Variants in NUP50 observed in about 807,000 individuals in gnomAD.
NUP50 encodes nuclear pore complex protein Nup50.
A neutral mutation model predicts 36.8 loss-of-function variants in NUP50; 14 were observed. The observed-to-expected ratio is 0.38, with a 90% confidence interval of 0.25 to 0.59. The LOEUF is 0.59. NUP50 is among the 20% of genes least tolerant of loss of function. NUP50 has a pLI of 0.63. For synonymous variants in NUP50, 195 were observed against 210.8 expected, an observed-to-expected ratio of 0.93 and a Z score of 0.65; for missense variants, 455 against 564.6, an observed-to-expected ratio of 0.81 and a Z score of 1.97.
chr22:45,169,051 A>C (rs568911278), intron 2 of NUP50, among the ~76,000 whole-genome samples: 1 of 151,854 alleles, frequency 6.6e-6, no homozygotes, highest in Non-Finnish European at 1.5e-5. Context: ...ACAGGTGTAC[A>C]CCACCACACC....
At chr22:45,176,772 C>T (rs922712313) in intron 4 of NUP50, among the ~76,000 whole-genome samples, 1 of 152,122 alleles carries the variant, frequency 6.6e-6, no homozygotes, top group African/African-American at 2.4e-5. Context: ...AAGTTGGAGT[C>T]TTGCTCTGTC....
chr22:45,185,328 T>C lies in NUP50; in HGVS notation c.*673T>C, dbSNP rs1239359223. The C allele has an allele frequency of 6.5e-6, 1 of 153,114 alleles. No individual in the cohort carries two copies. The highest frequency in any genetic ancestry group is 1.5e-5 in the Non-Finnish European group (1 of 68,460). 9.5% of individuals were successfully genotyped at this position (153,114 alleles called of 1,614,324 possible). On this transcript the variant is annotated 3_prime_UTR_variant, in exon 8 of 8. Coordinates refer to ENST00000347635, the MANE Select transcript of NUP50 (RefSeq NM_007172.4). The stretch of plus-strand genomic sequence containing the variant: ...GAAGGAGTTTTTTGGCTTCATAGTT[T>C]CTATTCATGAGGTAGTGTTACTTCT...
rs1025135332 is a variant in NUP50 at position 45,185,254 on chromosome 22, G to A, written c.*599G>A. On this transcript the variant is annotated 3_prime_UTR_variant, in exon 8 of 8. Coordinates refer to ENST00000347635, the MANE Select transcript of NUP50 (RefSeq NM_007172.4). ...CCTGTAACCCTGTGGGCTGCTTCAC[G>A]AGAATTCAGGACCTGCATTTTCATT... 8 of 152,708 alleles carry A rather than the reference G, an allele frequency of 5.2e-5. No individual in the cohort carries two copies. The highest frequency in any genetic ancestry group is 1.3e-4 in the Admixed American group (2 of 15,374). 9.5% of individuals were successfully genotyped at this position (152,708 alleles called of 1,614,324 possible).
At chr22:45,171,880 T>C (rs2074200555) in intron 3 of NUP50, 197 bp downstream of exon 3, 2 of 509,662 alleles carry the variant, frequency 3.9e-6, no homozygotes, top group Non-Finnish European at 7.1e-6. Context: ...GTTGAGGAAA[T>C]AAGATAAATA....
intron 1 of NUP50, among the ~76,000 whole-genome samples, chr22:45,165,645 G>A (rs555854490): frequency 1.3e-5 from 2 of 152,316 alleles, no homozygotes; most frequent in South Asian, 4.1e-4. Flanking sequence ...AAATAAAATA[G>A]GGATTTGGTA....
chr22:45,179,197 G>A (rs2074327336), intron 5 of NUP50: 1 of 273,636 alleles, frequency 3.7e-6, no homozygotes, highest in Non-Finnish European at 6.8e-6. Context: ...GTGAATTAAA[G>A]ACGTTTTTTG....
intron 1 of NUP50, chr22:45,166,488 T>C (rs2147662318): frequency 6.6e-6 from 1 of 152,048 alleles, no homozygotes; most frequent in South Asian, 2.1e-4. Context: ...GGTTTCACCA[T>C]GTTGGCCAGG....
At chr22:45,179,246 G>A in intron 5 of NUP50, 1 of 216,856 alleles carries the variant, frequency 4.6e-6, no homozygotes, top group South Asian at 9.4e-5. Flanking sequence ...AGTTCATCAT[G>A]AATGTCCCCT....
chr22:45,170,278 T>A (rs1031167766), intron 2 of NUP50, among the ~76,000 whole-genome samples: 2 of 152,048 alleles, frequency 1.3e-5, no homozygotes, highest in African/African-American at 2.4e-5. Context: ...AGCTGTTTTC[T>A]CTTTATCTCT....
intron 1 of NUP50, among the ~76,000 whole-genome samples, chr22:45,167,847 C>T (rs893174812): frequency 6.6e-6 from 1 of 152,184 alleles, no homozygotes; most frequent in African/African-American, 2.4e-5. Flanking sequence ...TACAGTACTT[C>T]AGATTCCAGA....
At chr22:45,170,350 G>A (rs1370677702) in intron 2 of NUP50, among the ~76,000 whole-genome samples, 1 of 151,950 alleles carries the variant, frequency 6.6e-6, no homozygotes, top group Non-Finnish European at 1.5e-5. Flanking sequence ...CACCCGCAAA[G>A]CCCAGTAGGG....
chr22:45,178,943 T>C, intron 5 of NUP50, 43 bp downstream of exon 5: 1 of 1,543,094 alleles, frequency 6.5e-7, no homozygotes, highest in Non-Finnish European at 8.7e-7. Context: ...TGCATAAGAT[T>C]CTTGTTTCTT....
intron 2 of NUP50, among the ~76,000 whole-genome samples, chr22:45,169,884 G>A (rs1467487251): frequency 2.0e-5 from 3 of 152,190 alleles, no homozygotes; most frequent in Non-Finnish European, 2.9e-5. Flanking sequence ...TCATCCAGAG[G>A]CTTGAACCCC....
chr22:45,178,446 G>A lies in NUP50; in HGVS notation c.549G>A (p.Leu183=). The change falls in exon 5 of 8, where the codon CTG becomes CTA. Residue 183 remains leucine, a synonymous_variant. Coordinates refer to ENST00000347635, the MANE Select transcript of NUP50 (RefSeq NM_007172.4). ...TGAATACAAACCCCCTCTGTGATCTGACACCTATCTTTAAAGACTATGAGA... is the reference window on the plus strand; with the variant it reads ...TGAATACAAACCCCCTCTGTGATCTAACACCTATCTTTAAAGACTATGAGA... The part of the protein sequence containing the change: ...KHVNTNPLCD[L]TPIFKDYEKY... 1 of 1,613,664 alleles carries A rather than the reference G, an allele frequency of 6.2e-7. No homozygotes were observed. Among genetic ancestry groups the A allele is most frequent in the Non-Finnish European group, 8.5e-7 (1 of 1,179,820 alleles).
intron 2 of NUP50, chr22:45,170,970 T>A (rs767167537): frequency 1.5e-6 from 2 of 1,303,506 alleles, no homozygotes; most frequent in South Asian, 1.2e-5. Flanking sequence ...TGAGAAATAT[T>A]TTATTCCGAC....
intron 1 of NUP50, among the ~76,000 whole-genome samples, chr22:45,165,581 C>A (rs1439752432): frequency 6.7e-6 from 1 of 149,796 alleles, no homozygotes; most frequent in East Asian, 1.9e-4. Context: ...GGTTTTTTCT[C>A]CCCCCCACTT....
In NUP50 at chr22:45,178,918, C is replaced by T. The variant is rs377599546; in HGVS notation, c.1003+18C>T. 7.8e-5 allele frequency: 123 copies of T among 1,585,966 alleles called. No homozygotes were observed. Among genetic ancestry groups the T allele is most frequent in the Non-Finnish European group, 9.3e-5 (108 of 1,167,004 alleles). ...ATGCAAAGGTAAGTACCAGCTTTGT[C>T]GTTGAGTCGAGGTTTGCATAAGATT... On this transcript the variant is annotated intron_variant, in intron 5 of 7. Transcript: ENST00000347635.
At position 45,181,154 on chromosome 22, in the gene NUP50, A is replaced by G; in HGVS notation, c.1004-132A>G. The G allele has an allele frequency of 2.5e-5, 3 of 120,572 alleles. 1 individual carries two copies. The East Asian group carries it at 1.1e-3, about 43-fold the overall frequency. The allele number at this position is 120,572 out of a possible 1,614,324, so 7.5% of individuals were successfully genotyped here. A position where few individuals can be genotyped will look rare whatever the true frequency, so the allele number is the denominator to read the frequency against. On this transcript the variant is annotated intron_variant, in intron 5 of 7. Transcript: ENST00000347635. ...CTGGCATCCCCCCCCCCCCCCATTA[A>G]GTGTGCATTTTAGTCTGTCAGTTTA...
intron 5 of NUP50, 46 bp from the exon 6 acceptor site, chr22:45,181,240 A>T (rs1279297291): frequency 7.5e-7 from 1 of 1,339,476 alleles, no homozygotes; most frequent in Admixed American, 2.3e-5. Flanking sequence ...CACTTCTTTA[A>T]GCTCTGGATT....
Sources: gnomAD v4.1 joint callset for allele counts (sites outside exome capture counted in the v4.1 genomes callset) on GRCh38, gnomAD v4.1.1 for gene constraint, MANE v1.5 for transcripts, NCBI Gene and HGNC (gene_info 2026-07-23, HGNC 2026-07-21) for gene names.